The following FGGY variants were observed in gnomAD, a reference collection of about 807,000 sequenced individuals.
The protein encoded by FGGY is FGGY carbohydrate kinase domain containing.
FGGY carries 72 observed loss-of-function variants against 71.3 expected under a neutral mutation model. The observed-to-expected ratio is 1.01, with a 90% CI of 0.84 to 1.23. The LOEUF (loss-of-function observed/expected upper bound fraction) is 1.23. Among genes scored for constraint, FGGY ranks in the 50% most tolerant of loss-of-function variants. The probability of loss-of-function intolerance (pLI) is 0.00; values close to 1 mark genes in which losing one functional copy is unlikely to be tolerated. For synonymous variants in FGGY, 251 were observed against 250.3 expected (o/e 1.00, Z -0.02); for missense variants, 668 against 682.3 (o/e 0.98, Z 0.23).
At chr1:59,721,337 G>GTTGTT in intron 14 of FGGY, among the ~76,000 whole-genome samples, 1 of 105,370 alleles carries the variant, frequency 9.5e-6, no homozygotes, top group East Asian at 3.2e-4. Context: ...TCTTTCCTTT[G>GTTGTT]TTTTTTTTTT....
chr1:59,573,533 T>C (rs927865284), intron 8 of FGGY, among the ~76,000 whole-genome samples: 3 of 152,284 alleles, frequency 2.0e-5, no homozygotes, highest in Middle Eastern at 3.4e-3. Flanking sequence ...TATGTTTATG[T>C]AAAACATTGG....
At chr1:59,538,113 A>G (rs2095365901) in intron 7 of FGGY, among the ~76,000 whole-genome samples, 1 of 152,224 alleles carries the variant, frequency 6.6e-6, no homozygotes, top group Non-Finnish European at 1.5e-5. Context: ...CAAAGGGCTA[A>G]TATCCAGAAT....
chr1:59,439,186 C>T (rs970792321), intron 5 of FGGY, among the ~76,000 whole-genome samples: 1 of 152,130 alleles, frequency 6.6e-6, no homozygotes, highest in African/African-American at 2.4e-5. Flanking sequence ...GGGACTGTGT[C>T]TTGTCTCCGT....
chr1:59,659,543 T>A (rs2097255475), intron 11 of FGGY, among the ~76,000 whole-genome samples: 1 of 152,152 alleles, frequency 6.6e-6, no homozygotes, highest in Non-Finnish European at 1.5e-5. Context: ...CCTCACCCTT[T>A]AGAAATGTCC....
At position 59,321,723 on chromosome 1, in the gene FGGY, C is replaced by G. The variant is rs1231627724; in HGVS notation, c.174C>G (p.Ile58Met). The G allele has an allele frequency of 9.9e-6, 16 of 1,612,034 alleles. No individual in the cohort carries two copies. Among genetic ancestry groups the G allele is most frequent in the Non-Finnish European group, 1.2e-5 (14 of 1,179,184 alleles). ...FNHHEQSSEDIWAACCVVTKK... is the reference protein window; with the variant it reads ...FNHHEQSSEDMWAACCVVTKK... ...ACCATGAGCAGTCCTCCGAGGACAT[C>G]TGGGCTGCGTGCTGTGTTGTCACAA... Residue 58 changes from isoleucine to methionine, a missense_variant, in exon 2 of 16, where the codon ATC becomes ATG. Transcript: ENST00000303721.
At chr1:59,643,623 A>C (rs913296387) in intron 11 of FGGY, among the ~76,000 whole-genome samples, 1 of 152,244 alleles carries the variant, frequency 6.6e-6, no homozygotes, top group African/African-American at 2.4e-5. Flanking sequence ...ACAACTAAAA[A>C]TGCAATCAAA....
intron 4 of FGGY, among the ~76,000 whole-genome samples, chr1:59,370,856 T>G (rs1454426550): frequency 1.3e-5 from 2 of 151,932 alleles, no homozygotes; most frequent in African/African-American, 4.8e-5. Context: ...AAGCAAATGC[T>G]GAGAGATTTT....
At chr1:59,534,412 A>C (rs1055977434) in intron 7 of FGGY, among the ~76,000 whole-genome samples, 3 of 151,648 alleles carry the variant, frequency 2.0e-5, no homozygotes, top group African/African-American at 7.3e-5. Context: ...ACTCTGCAGG[A>C]TATTATCCAG....
At chr1:59,564,884 AATCT>A (rs1267036733) in intron 8 of FGGY, among the ~76,000 whole-genome samples, 6 of 152,296 alleles carry the variant, frequency 3.9e-5, no homozygotes, top group Admixed American at 3.9e-4. Flanking sequence ...CTTTAGGGGG[AATCT>A]ATCTATCAGA....
intron 8 of FGGY, among the ~76,000 whole-genome samples, chr1:59,567,410 C>CT (rs1268828365): frequency 2.0e-5 from 3 of 152,066 alleles, no homozygotes; most frequent in Non-Finnish European, 4.4e-5. Context: ...TCGTTGTAGC[C>CT]TTGTGTGGCA....
intron 6 of FGGY, among the ~76,000 whole-genome samples, chr1:59,467,752 TGTCAGATGACAAAAACACA>T (rs1319492391): frequency 6.6e-6 from 1 of 152,214 alleles, no homozygotes; most frequent in Non-Finnish European, 1.5e-5. Context: ...GTACTTTGGG[TGTCAGATGACAAAAACACA>T]GTCACTTGGC....
Position 59,704,992 on chromosome 1 carries a change from C to T in FGGY, c.1512+30859C>T, listed in dbSNP as rs537972752. Among the ~76,000 whole-genome samples the T allele has an allele frequency of 3.3e-5, 5 of 152,242 alleles. No homozygotes were observed. The South Asian group carries it at 1.0e-3, about 32-fold the overall frequency. ...GGGCAGAAAATGACTGCTCATTGTT[C>T]TTTTCCTTTGCCTTTCCCCATTACT... On this transcript the variant is annotated intron_variant, in intron 14 of 15. Transcript: ENST00000303721.
At chr1:59,644,111 A>G (rs1403874459) in intron 11 of FGGY, among the ~76,000 whole-genome samples, 1 of 152,000 alleles carries the variant, frequency 6.6e-6, no homozygotes, top group Non-Finnish European at 1.5e-5. Context: ...TGGTCTTTGG[A>G]TTTAAACTCT....
intron 14 of FGGY, among the ~76,000 whole-genome samples, chr1:59,687,039 A>T (rs1193034314): frequency 6.6e-6 from 1 of 152,212 alleles, no homozygotes; most frequent in Non-Finnish European, 1.5e-5. Context: ...TATTACTGAA[A>T]GGTGGCTGGG....
At chr1:59,475,084 C>A (rs2093193371) in intron 6 of FGGY, among the ~76,000 whole-genome samples, 1 of 152,180 alleles carries the variant, frequency 6.6e-6, no homozygotes, top group African/African-American at 2.4e-5. Flanking sequence ...CTGCCAAAGA[C>A]CATAACCCCT....
At chr1:59,521,224 G>A (rs977589447) in intron 7 of FGGY, among the ~76,000 whole-genome samples, 1 of 152,138 alleles carries the variant, frequency 6.6e-6, no homozygotes, top group African/African-American at 2.4e-5. Context: ...GGTTTAATGC[G>A]ACCCACTACT....
In FGGY at chr1:59,379,220, A is replaced by T. The variant is rs140551888; in HGVS notation, c.554+383A>T. 3.1e-3 allele frequency among the ~76,000 whole-genome samples: 422 copies of T among 135,154 alleles called. 1 individual carries two copies. The highest frequency in any genetic ancestry group is 0.01 in the African/African-American group (395 of 37,882). 88.7% of individuals were successfully genotyped at this position (135,154 alleles called of 152,430 possible). On this transcript the variant is annotated intron_variant, in intron 5 of 15. Coordinates refer to ENST00000303721, the MANE Select transcript of FGGY (RefSeq NM_018291.5). ...AGTCACGCATTCCTTAAGGACAGGG[A>T]TACATTCAGAGAATGTGTTGTTAGG... is the stretch of plus-strand genomic sequence containing the variant.
At chr1:59,620,763 C>A (rs1262751601) in intron 9 of FGGY, among the ~76,000 whole-genome samples, 1 of 152,040 alleles carries the variant, frequency 6.6e-6, no homozygotes, top group African/African-American at 2.4e-5. Flanking sequence ...TATGATACTT[C>A]ATGAAAGGTA....
Position 59,406,256 on chromosome 1 carries a change from G to A in FGGY, c.554+27419G>A, listed in dbSNP as rs138604426. Among the ~76,000 whole-genome samples the A allele has an allele frequency of 3.8e-3, 577 of 150,140 alleles. 5 individuals are homozygous for A. The highest frequency in any genetic ancestry group is 0.013 in the African/African-American group (539 of 41,192). On this transcript the variant is annotated intron_variant, in intron 5 of 15. Transcript: ENST00000303721. Reference sequence around the variant, plus strand: ...GAGGAGGATAATTTCTGAGTCTCTCGTCATGCGTGTTCCTAGCCGATGGCA... The same window carrying A: ...GAGGAGGATAATTTCTGAGTCTCTCATCATGCGTGTTCCTAGCCGATGGCA...
Sources: gnomAD v4.1 joint callset for allele counts (sites outside exome capture counted in the v4.1 genomes callset) on GRCh38, gnomAD v4.1.1 for gene constraint, MANE v1.5 for transcripts, NCBI Gene and HGNC (gene_info 2026-07-23, HGNC 2026-07-21) for gene names.